The following MEG3 variants were observed in gnomAD, a reference collection of about 807,000 sequenced individuals.
The protein encoded by MEG3 is maternally expressed 3, also known as Very putative protein from MEG3 locus.
chr14:100,855,645 C>T (rs1210391129), upstream of MEG3: 1 of 152,280 alleles, frequency 6.6e-6, no homozygotes, highest in Non-Finnish European at 1.5e-5. Context: ...TTCATCCCTT[C>T]ATCCCTTCAT....
At chr14:100,859,425 G>A (rs1348335662) in exon 1 of MEG3, 1 of 152,132 alleles carries the variant, frequency 6.6e-6, no homozygotes, top group Non-Finnish European at 1.5e-5. Context: ...TTGGTGTTGT[G>A]GCCCAGGTGA....
chr14:100,830,529 TC>T (rs1166268659), downstream of MEG3: 1 of 152,174 alleles, frequency 6.6e-6, no homozygotes, highest in Non-Finnish European at 1.5e-5. Flanking sequence ...AGCCCAATTC[TC>T]CCTTAGTGAG....
intron 2 of MEG3, among the ~76,000 whole-genome samples, chr14:100,841,411 C>T (rs184020481): frequency 2.4e-4 from 36 of 152,344 alleles, no homozygotes; most frequent in Admixed American, 2.2e-3. Flanking sequence ...CCGAGTGGCT[C>T]GGGGTTTCTT....
chr14:100,854,353 C>CCAGA (rs2038175696), upstream of MEG3: 1 of 152,088 alleles, frequency 6.6e-6, no homozygotes, highest in African/African-American at 2.4e-5. Flanking sequence ...GAGACTGGTC[C>CCAGA]CAGATGTCCT....
Position 100,845,657 on chromosome 14 carries a change from G to T in MEG3, n.3121+124G>T, listed in dbSNP as rs2037898058. The T allele has an allele frequency of 2.9e-6, 1 of 349,338 alleles. No individual in the cohort carries two copies. The highest frequency in any genetic ancestry group is 5.7e-6 in the Non-Finnish European group (1 of 176,104). 21.6% of individuals were successfully genotyped at this position (349,338 alleles called of 1,614,324 possible). A position where few individuals can be genotyped will look rare whatever the true frequency, so the allele number is the denominator to read the frequency against. Reference sequence around the variant, plus strand: ...TGGCGGGCACTGGCCGGGGGTCTGTGCACCGGGAGGTGGGTGCCCATCGAG... The same window carrying T: ...TGGCGGGCACTGGCCGGGGGTCTGTTCACCGGGAGGTGGGTGCCCATCGAG... On this transcript the variant is annotated intron_variant and non_coding_transcript_variant, in intron 3 of 3. Coordinates refer to the MEG3 transcript ENST00000398461. The surrounding 1 kb of genome is among the most constrained non-coding windows in gnomAD (Gnocchi z 5.2).
intron 1 of MEG3, among the ~76,000 whole-genome samples, chr14:100,827,168 C>T (rs907866832): frequency 6.6e-6 from 1 of 152,138 alleles, no homozygotes; most frequent in Admixed American, 6.5e-5. Flanking sequence ...TTGGTCAAAT[C>T]GCCTTTTGCC....
chr14:100,846,702 G>A (rs542147191), intron 3 of MEG3: 54 of 152,326 alleles, frequency 3.5e-4, no homozygotes, highest in Non-Finnish European at 5.9e-4. Context: ...GTGTACACAA[G>A]ACCATGGTTC....
At chr14:100,827,900 T>C (rs1278682978) in intron 1 of MEG3, among the ~76,000 whole-genome samples, 1 of 152,192 alleles carries the variant, frequency 6.6e-6, no homozygotes, top group Non-Finnish European at 1.5e-5. Context: ...TGCTTTTCCC[T>C]GTAGCAGGCG....
intron 2 of MEG3, among the ~76,000 whole-genome samples, chr14:100,842,344 G>A (rs1305943483): frequency 6.6e-6 from 1 of 152,320 alleles, no homozygotes; most frequent in South Asian, 2.1e-4. Flanking sequence ...TCCAGGAAGA[G>A]GCGTATGTAA....
At chr14:100,860,591 C>T (rs929067006) in intron 1 of MEG3, 5 of 451,868 alleles carry the variant, frequency 1.1e-5, no homozygotes, top group Admixed American at 2.4e-5. Flanking sequence ...ACTTGCTCTC[C>T]TCTCCCTCCC....
At chr14:100,851,921 G>A (rs1209686464) in intron 3 of MEG3, 1 of 172,362 alleles carries the variant, frequency 5.8e-6, no homozygotes, top group Non-Finnish European at 1.3e-5. Flanking sequence ...GTTTTGTGTT[G>A]TGTGCCTGTG....
chr14:100,828,515 G>GC (rs71113289), intron 1 of MEG3, among the ~76,000 whole-genome samples: 56,920 of 79,732 alleles, frequency 0.71, 20,736 homozygotes, highest in East Asian at 0.97. Context: ...CCCTCTCCCT[G>GC]CCCCCCTCCT....
In MEG3 at chr14:100,826,943, G is replaced by A. The variant is rs376856747; in HGVS notation, n.372-1765G>A. On this transcript the variant is annotated intron_variant and non_coding_transcript_variant, in intron 1 of 2. Transcript: ENST00000556407. ...CAGTCCTTGCCGAAGGGGGGTCGTG[G>A]GATTGGGGGCACTGGGAGAATAGAT... Among the ~76,000 whole-genome samples, 27 of 152,072 alleles carry A rather than the reference G, an allele frequency of 1.8e-4. No individual in the cohort carries two copies. In the South Asian group the frequency reaches 5.4e-3, roughly 30 times the overall value.
At chr14:100,857,616 G>C (rs1455652506) in exon 1 of MEG3, 1 of 152,208 alleles carries the variant, frequency 6.6e-6, no homozygotes, top group Non-Finnish European at 1.5e-5. Flanking sequence ...ATATTTGTTT[G>C]ATTGATGAGT....
At chr14:100,840,625 A>G (rs1215143832) in intron 2 of MEG3, among the ~76,000 whole-genome samples, 1 of 152,234 alleles carries the variant, frequency 6.6e-6, no homozygotes, top group Non-Finnish European at 1.5e-5. Flanking sequence ...CCAAGGCTGC[A>G]CAATGACGCA....
chr14:100,833,035 G>T, downstream of MEG3: 1 of 152,258 alleles, frequency 6.6e-6, no homozygotes, highest in East Asian at 1.9e-4. Flanking sequence ...CCTGGGCATA[G>T]CCCTAGGGGA....
At chr14:100,857,801 T>C (rs1047613981) in exon 1 of MEG3, 1 of 152,208 alleles carries the variant, frequency 6.6e-6, no homozygotes, top group African/African-American at 2.4e-5. Context: ...CATTCATGTA[T>C]GCCCCTGCTT....
intron 1 of MEG3, chr14:100,827,315 G>C (rs1165760987): frequency 4.0e-5 from 6 of 151,196 alleles, no homozygotes; most frequent in Non-Finnish European, 8.9e-5. Flanking sequence ...GGGCGCTGGC[G>C]GCACTGCGGA....
At chr14:100,829,050 G>A (rs182147702) in exon 3 of MEG3, 3 of 152,296 alleles carry the variant, frequency 2.0e-5, no homozygotes, top group South Asian at 2.1e-4. Context: ...CTAGGAGCAC[G>A]GTTTCCTGGA....
Sources: allele counts gnomAD v4.1 joint callset (sites outside exome capture counted in the v4.1 genomes callset), GRCh38; gene constraint gnomAD v4.1.1; non-coding constraint Gnocchi (gnomAD v3.1); transcripts MANE v1.5; gene names NCBI Gene and HGNC (gene_info 2026-07-23, HGNC 2026-07-21).